The following NTRK3 variants were observed in gnomAD, a reference collection of about 807,000 sequenced individuals.
NTRK3 encodes NT-3 growth factor receptor.
NTRK3 carries 24 observed loss-of-function variants against 91.7 expected under a neutral mutation model. The ratio of observed to expected loss-of-function variants is 0.26; its 90% CI spans 0.19 to 0.37. The LOEUF (loss-of-function observed/expected upper bound fraction) is 0.37. Among genes scored for constraint, NTRK3 ranks in the 10% least tolerant of loss-of-function variants. The pLI, the probability that NTRK3 is intolerant of heterozygous loss-of-function variation, is 1.00. For missense variants in NTRK3, 880 were observed against 1,068.9 expected, an observed-to-expected ratio of 0.82 and a Z score of 2.46; for synonymous variants, 483 against 404.0, an observed-to-expected ratio of 1.20 and a Z score of -2.34.
chr15:88,024,109 C>T (rs899170034), intron 14 of NTRK3, among the ~76,000 whole-genome samples: 2 of 152,212 alleles, frequency 1.3e-5, no homozygotes, highest in Non-Finnish European at 2.9e-5. Context: ...CAGCTGGAAA[C>T]TGGCCTGGGC....
In NTRK3 at chr15:88,155,190, T is replaced by C. The variant is rs57876679; in HGVS notation, c.396-7787A>G. On this transcript the variant is annotated intron_variant, in intron 5 of 18. Coordinates refer to ENST00000394480, the Ensembl canonical transcript of NTRK3. Reference sequence around the variant, plus strand: ...CAGGAAGTTATCATGAATTATCCCATGGTCCCAAGGTAATCATAAGGGGCA... The same window carrying C: ...CAGGAAGTTATCATGAATTATCCCACGGTCCCAAGGTAATCATAAGGGGCA... Among the ~76,000 whole-genome samples the C allele has an allele frequency of 8.0e-3, 1,224 of 152,294 alleles. 23 individuals carry two copies. The highest frequency in any genetic ancestry group is 0.028 in the African/African-American group (1,175 of 41,548).
At chr15:88,209,192 T>A (rs911369528) in intron 3 of NTRK3, among the ~76,000 whole-genome samples, 1 of 152,196 alleles carries the variant, frequency 6.6e-6, no homozygotes, top group Admixed American at 6.5e-5. Context: ...CCTTAATGGA[T>A]GCATAGGAGT....
chr15:87,880,816 G>C lies in NTRK3; in HGVS notation c.2134-388C>G, dbSNP rs76278834. On this transcript the variant is annotated intron_variant, in intron 17 of 18. Coordinates refer to ENST00000394480, the Ensembl canonical transcript of NTRK3. ...CAAGGATCAGTATCTGCAAACATCA[G>C]GTTAGATTCTTGGCTGCAGTGGCAC... Among the ~76,000 whole-genome samples the C allele has an allele frequency of 5.6e-3, 853 of 152,316 alleles. 14 individuals are homozygous for C. The highest frequency in any genetic ancestry group is 0.031 in the East Asian group (163 of 5,184).
At chr15:87,908,716 A>T (rs1468866860) in intron 17 of NTRK3, among the ~76,000 whole-genome samples, 1 of 152,196 alleles carries the variant, frequency 6.6e-6, no homozygotes, top group African/African-American at 2.4e-5. Flanking sequence ...CAGGGCCTCA[A>T]ACATTTGTCC....
intron 13 of NTRK3, among the ~76,000 whole-genome samples, chr15:88,065,836 G>C (rs2046603736): frequency 6.6e-6 from 1 of 152,168 alleles, no homozygotes; most frequent in African/African-American, 2.4e-5. Flanking sequence ...TACCTGTTGA[G>C]TTTCTCCAGT....
At chr15:87,937,975 A>T (rs1226643168) in intron 15 of NTRK3, among the ~76,000 whole-genome samples, 2 of 152,136 alleles carry the variant, frequency 1.3e-5, no homozygotes, top group Non-Finnish European at 2.9e-5. Context: ...GACGAAAAAA[A>T]AAAAGGAAAA....
chr15:87,892,302 C>T (rs533809160), intron 17 of NTRK3, among the ~76,000 whole-genome samples: 227 of 152,156 alleles, frequency 1.5e-3, no homozygotes, highest in African/African-American at 5.1e-3. Context: ...TTTCAAACGA[C>T]TGGAGAGGGA....
At chr15:88,117,798 T>G (rs2151031152) in intron 13 of NTRK3, among the ~76,000 whole-genome samples, 1 of 152,314 alleles carries the variant, frequency 6.6e-6, no homozygotes, top group African/African-American at 2.4e-5. Context: ...TCTCTCTAAG[T>G]ATGCTGGGAT....
intron 14 of NTRK3, among the ~76,000 whole-genome samples, chr15:87,975,963 C>A (rs1215796525): frequency 6.6e-6 from 1 of 152,128 alleles, no homozygotes; most frequent in Non-Finnish European, 1.5e-5. Flanking sequence ...AAGAGCACTC[C>A]CTCCATGAGG....
chr15:88,206,658 G>GAAAAA (rs758639696), intron 3 of NTRK3, among the ~76,000 whole-genome samples: 1 of 59,602 alleles, frequency 1.7e-5, no homozygotes, highest in Non-Finnish European at 3.6e-5. Flanking sequence ...ACTCCGTCTC[G>GAAAAA]AAAAAAAAAA....
At chr15:88,044,543 G>A (rs918703778) in intron 13 of NTRK3, among the ~76,000 whole-genome samples, 11 of 151,614 alleles carry the variant, frequency 7.3e-5, no homozygotes, top group South Asian at 4.2e-4. Flanking sequence ...TTACAGGAGT[G>A]AGCCACCACG....
intron 13 of NTRK3, among the ~76,000 whole-genome samples, chr15:88,091,398 T>C (rs1179915272): frequency 1.1e-4 from 17 of 152,210 alleles, no homozygotes; most frequent in Admixed American, 1.1e-3. Flanking sequence ...AGTTCAAAAA[T>C]ACAAAACTCA....
At chr15:88,042,235 G>A (rs2079701265) in intron 13 of NTRK3, among the ~76,000 whole-genome samples, 1 of 152,156 alleles carries the variant, frequency 6.6e-6, no homozygotes. Context: ...CTCAGAGAGG[G>A]ATTCCATTTA....
intron 14 of NTRK3, among the ~76,000 whole-genome samples, chr15:87,990,843 C>A (rs2075231116): frequency 6.6e-6 from 1 of 152,158 alleles, no homozygotes; most frequent in African/African-American, 2.4e-5. Context: ...AATGATGGAG[C>A]AATGTCCCCC....
chr15:88,229,426 AC>A (rs2050977213), intron 3 of NTRK3, among the ~76,000 whole-genome samples: 1 of 152,160 alleles, frequency 6.6e-6, no homozygotes, highest in South Asian at 2.1e-4. Context: ...TGACTCAATG[AC>A]TGGAAAGACC....
At chr15:88,036,751 C>T (rs1223801562) in intron 13 of NTRK3, among the ~76,000 whole-genome samples, 2 of 152,130 alleles carry the variant, frequency 1.3e-5, no homozygotes, top group African/African-American at 4.8e-5. Context: ...GAATTGTAGA[C>T]CACGGAATGC....
Position 88,237,422 on chromosome 15 carries a change from C to A in NTRK3, c.248+18484G>T, listed in dbSNP as rs890677536. 6.6e-6 allele frequency among the ~76,000 whole-genome samples: 1 copy of A among 152,138 alleles called. No homozygotes were observed. The highest frequency in any genetic ancestry group is 1.5e-5 in the Non-Finnish European group (1 of 68,030). ...CATCCCCAGAGCTGAAGGTCCCAGC[C>A]CGTTGTCATTGTGTGGGGGTGGAGG... On this transcript the variant is annotated intron_variant, in intron 3 of 18. Coordinates refer to ENST00000394480, the Ensembl canonical transcript of NTRK3. This position sits in a 1 kb window ranked among gnomAD's most constrained non-coding sequence, Gnocchi z 4.0.
chr15:88,232,355 C>T (rs1378522290), intron 3 of NTRK3, among the ~76,000 whole-genome samples: 7 of 151,048 alleles, frequency 4.6e-5, no homozygotes, highest in Admixed American at 1.3e-4. Flanking sequence ...CTAATCTGCT[C>T]CCAGACCTAG....
intron 13 of NTRK3, among the ~76,000 whole-genome samples, chr15:88,046,824 G>A (rs531826252): frequency 5.9e-5 from 9 of 152,254 alleles, no homozygotes; most frequent in African/African-American, 1.4e-4. Context: ...CATTTCATTC[G>A]AACAGCGCTG....
Sources: allele counts gnomAD v4.1 joint callset (sites outside exome capture counted in the v4.1 genomes callset), GRCh38; gene constraint gnomAD v4.1.1; non-coding constraint Gnocchi (gnomAD v3.1); transcripts MANE v1.5; gene names NCBI Gene and HGNC (gene_info 2026-07-23, HGNC 2026-07-21).